Variants in GRAMD4 observed in about 807,000 individuals in gnomAD.
GRAMD4 encodes GRAM domain containing 4, also known as GRAM domain-containing protein 4.
In GRAMD4, 25 loss-of-function variants were observed where a neutral mutation model predicts 83.9. The observed-to-expected ratio is 0.30, with a 90% CI of 0.22 to 0.42. The LOEUF (loss-of-function observed/expected upper bound fraction) is 0.42, where lower values mean the gene tolerates loss of function less well. GRAMD4 is among the 10% of genes least tolerant of loss of function. The pLI, the probability that GRAMD4 is intolerant of heterozygous loss-of-function variation, is 1.00. For missense variants in GRAMD4, 593 were observed against 788.7 expected (o/e 0.75, Z 2.97); for synonymous variants, 336 against 320.9 (o/e 1.05, Z -0.50).
At chr22:46,603,356 C>T (rs1171713678) in intron 1 of GRAMD4, among the ~76,000 whole-genome samples, 3 of 150,196 alleles carry the variant, frequency 2.0e-5, no homozygotes, top group East Asian at 2.0e-4. Context: ...CACAGGCGCC[C>T]GCCACCACAC....
intron 1 of GRAMD4, among the ~76,000 whole-genome samples, chr22:46,604,713 A>G (rs2081348455): frequency 6.6e-6 from 1 of 152,258 alleles, no homozygotes; most frequent in Admixed American, 6.5e-5. Context: ...TTCTGGAGCC[A>G]TAACGTCCTC....
At chr22:46,654,665 C>T (rs1458649846) in intron 3 of GRAMD4, among the ~76,000 whole-genome samples, 1 of 152,222 alleles carries the variant, frequency 6.6e-6, no homozygotes, top group Non-Finnish European at 1.5e-5. Flanking sequence ...GCACGGCCCG[C>T]TGGTCAGCAC....
chr22:46,602,597 G>C (rs1342325525), intron 1 of GRAMD4, among the ~76,000 whole-genome samples: 1 of 151,800 alleles, frequency 6.6e-6, no homozygotes, highest in Non-Finnish European at 1.5e-5. Context: ...GGGAGGTCGA[G>C]ACTGCGGTGA....
chr22:46,619,616 C>A (rs941593417), upstream of GRAMD4, among the ~76,000 whole-genome samples: 1 of 152,174 alleles, frequency 6.6e-6, no homozygotes, highest in African/African-American at 2.4e-5. Context: ...TTGGTAGAAC[C>A]AGGCCTTCTT....
At chr22:46,644,764 G>A (rs1464054862) in intron 3 of GRAMD4, among the ~76,000 whole-genome samples, 4 of 133,306 alleles carry the variant, frequency 3.0e-5, no homozygotes, top group Non-Finnish European at 3.1e-5. Flanking sequence ...ATAGGGTCTC[G>A]CTCTGTCACT....
rs1261816700 is a variant in GRAMD4 at position 46,665,857 on chromosome 22, C to A, written c.809+151C>A. ...TGACAGGCTCCAGAGACCCCCCAGG[C>A]AGGGCGGCTGCCCCCTCCCTGGTTT... On this transcript the variant is annotated intron_variant, in intron 9 of 18. Transcript: ENST00000406902. The A allele has an allele frequency of 5.0e-6, 3 of 601,410 alleles. No homozygotes were observed. In the African/African-American group the frequency reaches 5.5e-5, roughly 11 times the overall value. 37.3% of individuals were successfully genotyped at this position (601,410 alleles called of 1,614,324 possible). A position where few individuals can be genotyped will look rare whatever the true frequency, so the allele number is the denominator to read the frequency against.
chr22:46,646,657 G>A (rs546642748), intron 3 of GRAMD4, among the ~76,000 whole-genome samples: 2 of 152,230 alleles, frequency 1.3e-5, no homozygotes, highest in African/African-American at 4.8e-5. Flanking sequence ...CCCTGGACTT[G>A]CCCCTTTGGA....
chr22:46,656,843 C>T (rs1227755189), intron 3 of GRAMD4, among the ~76,000 whole-genome samples: 1 of 152,242 alleles, frequency 6.6e-6, no homozygotes, highest in African/African-American at 2.4e-5. Flanking sequence ...GCGTGTCCGC[C>T]CCATGGTCAG....
At chr22:46,620,199 T>TG, upstream of GRAMD4, 1 of 479,212 alleles carries the variant, frequency 2.1e-6, no homozygotes, top group Non-Finnish European at 2.7e-6. This position sits in a 1 kb window ranked among gnomAD's most constrained non-coding sequence, Gnocchi z 4.7. Context: ...TAGACACTGT[T>TG]GCCTTTGTGT....
intron 1 of GRAMD4, among the ~76,000 whole-genome samples, chr22:46,582,367 C>T (rs2081106678): frequency 6.6e-6 from 1 of 152,036 alleles, no homozygotes; most frequent in African/African-American, 2.4e-5. Context: ...ACGGCTCAGC[C>T]TCTCTTGGTG....
At chr22:46,599,283 T>C (rs1056586688) in intron 1 of GRAMD4, among the ~76,000 whole-genome samples, 8 of 152,210 alleles carry the variant, frequency 5.3e-5, no homozygotes, top group Middle Eastern at 3.4e-3. Context: ...TTTCAGACGT[T>C]GAGCTGGTCG....
At position 46,678,239 on chromosome 22, in the gene GRAMD4, C is replaced by T; in HGVS notation, c.*988C>T. 1.0e-6 allele frequency: 1 copy of T among 985,522 alleles called. No homozygotes were observed. The highest frequency in any genetic ancestry group is 1.2e-6 in the Non-Finnish European group (1 of 829,976). The allele number at this position is 985,522 out of a possible 1,614,324, so 61.0% of individuals were successfully genotyped here. A position where few individuals can be genotyped will look rare whatever the true frequency, so the allele number is the denominator to read the frequency against. On this transcript the variant is annotated 3_prime_UTR_variant, in exon 19 of 19. Transcript: ENST00000406902. ...GGGACCATGGTGGCCCAGGCTGCAG[C>T]CGCCTTTGGGCCATCCGAGAGGCTC...
intron 2 of GRAMD4, among the ~76,000 whole-genome samples, chr22:46,635,656 C>G (rs1297548637): frequency 7.1e-6 from 1 of 141,294 alleles, no homozygotes; most frequent in Non-Finnish European, 1.5e-5. Flanking sequence ...CTCCCTGCCC[C>G]CACTCCCAGC....
chr22:46,648,327 T>G (rs1332646193), intron 3 of GRAMD4, among the ~76,000 whole-genome samples: 1 of 119,476 alleles, frequency 8.4e-6, no homozygotes, highest in African/African-American at 3.7e-5. Context: ...AGTGGATGGA[T>G]GGATGGATGG....
intron 3 of GRAMD4, 26 bp downstream of exon 3, chr22:46,637,986 G>A (rs1267010644): frequency 6.2e-7 from 1 of 1,610,646 alleles, no homozygotes; most frequent in Non-Finnish European, 8.5e-7. Context: ...CGCTTGGAGG[G>A]GATGGGACAA....
intron 1 of GRAMD4, among the ~76,000 whole-genome samples, chr22:46,614,092 A>T (rs1225277166): frequency 6.6e-6 from 1 of 152,200 alleles, no homozygotes; most frequent in East Asian, 1.9e-4. Flanking sequence ...AAATACATTA[A>T]CTTGCAGTTA....
chr22:46,620,365 G>A, upstream of GRAMD4: 7 of 985,384 alleles, frequency 7.1e-6, no homozygotes, highest in Non-Finnish European at 8.4e-6. The surrounding 1 kb of genome is among the most constrained non-coding windows in gnomAD (Gnocchi z 4.7). Context: ...GCCGTGGTGA[G>A]CCCTGCTGCC....
intron 11 of GRAMD4, 55 bp from the exon 12 acceptor site, chr22:46,668,634 T>C (rs771016498): frequency 7.8e-5 from 120 of 1,539,378 alleles, no homozygotes; most frequent in South Asian, 7.6e-4. Context: ...CGTCGCGGTG[T>C]GACTGACAGC....
chr22:46,628,339 C>A (rs748937547), intron 2 of GRAMD4, among the ~76,000 whole-genome samples: 60 of 152,196 alleles, frequency 3.9e-4, no homozygotes, highest in Admixed American at 2.6e-4. Context: ...GGGTTTCGTC[C>A]CTGTCCTCTG....
Sources: gnomAD v4.1 joint callset for allele counts (sites outside exome capture counted in the v4.1 genomes callset) on GRCh38, gnomAD v4.1.1 for gene constraint, Gnocchi (gnomAD v3.1) non-coding constraint, MANE v1.5 for transcripts, NCBI Gene and HGNC (gene_info 2026-07-23, HGNC 2026-07-21) for gene names.